The following ROBO1 variants were observed in gnomAD, a reference collection of about 807,000 sequenced individuals.
ROBO1 encodes the protein roundabout homolog 1.
In ROBO1, 149 loss-of-function variants were observed where a neutral mutation model predicts 195.9. The ratio of observed to expected loss-of-function variants is 0.76; its 90% CI spans 0.67 to 0.87. The LOEUF is 0.87. Ranked by LOEUF, ROBO1 falls within the 40% of genes least tolerant of loss-of-function variation. The pLI is 0.00. For missense variants in ROBO1, 1,933 were observed against 2,068.3 expected (o/e 0.93, Z 1.27); for synonymous variants, 816 against 733.2 (o/e 1.11, Z -1.82).
intron 4 of ROBO1, among the ~76,000 whole-genome samples, chr3:78,812,572 C>A (rs760072043): frequency 6.6e-6 from 1 of 152,052 alleles, no homozygotes; most frequent in African/African-American, 2.4e-5. Flanking sequence ...AATTCCTTAT[C>A]CCCTCTTCCT....
intron 8 of ROBO1, among the ~76,000 whole-genome samples, chr3:78,696,380 T>C (rs2081290083): frequency 6.6e-6 from 1 of 152,084 alleles, no homozygotes; most frequent in African/African-American, 2.4e-5. Flanking sequence ...AACTTATCAG[T>C]CTAAACTTCT....
chr3:79,069,235 T>C (rs1377261886), intron 3 of ROBO1, among the ~76,000 whole-genome samples: 1 of 151,906 alleles, frequency 6.6e-6, no homozygotes. Flanking sequence ...TTTATGCAAA[T>C]TGTATCTTGA....
At chr3:78,833,423 A>G (rs2032413583) in intron 4 of ROBO1, among the ~76,000 whole-genome samples, 1 of 152,218 alleles carries the variant, frequency 6.6e-6, no homozygotes, top group African/African-American at 2.4e-5. Context: ...TCTTTTTAAA[A>G]TTAATTGTAT....
At chr3:78,652,783 A>G (rs1169875322) in intron 18 of ROBO1, among the ~76,000 whole-genome samples, 1 of 152,230 alleles carries the variant, frequency 6.6e-6, no homozygotes, top group Non-Finnish European at 1.5e-5. Flanking sequence ...ATATATGGGT[A>G]ATAAAATTAA....
chr3:78,727,463 A>T (rs1378065284), intron 5 of ROBO1, among the ~76,000 whole-genome samples: 2 of 152,008 alleles, frequency 1.3e-5, no homozygotes, highest in Non-Finnish European at 2.9e-5. Flanking sequence ...TGTCTCCACT[A>T]AAAATACAAA....
chr3:79,253,089 T>C (rs2082762710), intron 2 of ROBO1, among the ~76,000 whole-genome samples: 1 of 152,216 alleles, frequency 6.6e-6, no homozygotes, highest in Non-Finnish European at 1.5e-5. Flanking sequence ...AATATACTTT[T>C]GTTTTTATCT....
intron 4 of ROBO1, among the ~76,000 whole-genome samples, chr3:78,924,170 G>A (rs943060534): frequency 3.9e-5 from 6 of 151,960 alleles, no homozygotes; most frequent in Non-Finnish European, 7.4e-5. Context: ...TAATTAGGAA[G>A]ACATTTATAC....
intron 3 of ROBO1, among the ~76,000 whole-genome samples, chr3:78,988,155 T>C (rs1369936358): frequency 1.3e-5 from 2 of 152,116 alleles, no homozygotes; most frequent in African/African-American, 4.8e-5. Context: ...AATGTCATTT[T>C]CACTTGAGTG....
intron 7 of ROBO1, 80 bp from the exon 8 acceptor site, chr3:78,714,604 A>G: frequency 1.6e-6 from 2 of 1,265,338 alleles, no homozygotes; most frequent in Non-Finnish European, 2.1e-6. Flanking sequence ...AATGCTTCAA[A>G]GCACATGCTA....
At chr3:79,409,481 C>T (rs2037681359) in intron 2 of ROBO1, among the ~76,000 whole-genome samples, 1 of 152,082 alleles carries the variant, frequency 6.6e-6, no homozygotes, top group South Asian at 2.1e-4. Flanking sequence ...TTCACAAGTT[C>T]CCCCAAAAGA....
intron 2 of ROBO1, among the ~76,000 whole-genome samples, chr3:79,328,798 C>T (rs570021484): frequency 6.6e-6 from 1 of 151,952 alleles, no homozygotes; most frequent in South Asian, 2.1e-4. Context: ...CCGTCACCCC[C>T]CTCCCATCTT....
In ROBO1 at chr3:79,489,109, C is replaced by CATAT. The variant is rs140391978; in HGVS notation, c.88+100711_88+100714dup. ...AATGGAAAATATACATATATAAGTA[C>CATAT]ATATATATATATATATAAAACATGT... On this transcript the variant is annotated intron_variant, in intron 2 of 30. Transcript: ENST00000464233. 3.9e-3 allele frequency among the ~76,000 whole-genome samples: 585 copies of CATAT among 148,142 alleles called. 5 individuals carry two copies. Among genetic ancestry groups the CATAT allele is most frequent in the African/African-American group, 0.013 (512 of 40,498 alleles).
chr3:79,580,984 T>C (rs1237045624), intron 2 of ROBO1, among the ~76,000 whole-genome samples: 7 of 152,186 alleles, frequency 4.6e-5, no homozygotes, highest in Admixed American at 3.3e-4. Context: ...GGCTTGTTTA[T>C]ATAACAAAGG....
At chr3:79,675,175 G>T (rs770370699) in intron 1 of ROBO1, among the ~76,000 whole-genome samples, 1 of 151,844 alleles carries the variant, frequency 6.6e-6, no homozygotes, top group East Asian at 1.9e-4. Flanking sequence ...TATTACAGTC[G>T]GTGTGTATGA....
At chr3:79,758,249 G>A (rs1396427441) in intron 1 of ROBO1, among the ~76,000 whole-genome samples, 3 of 152,172 alleles carry the variant, frequency 2.0e-5, no homozygotes. Context: ...ATCCAAGACA[G>A]TAGCCACCAG....
At chr3:79,514,253 T>C (rs1001611990) in intron 2 of ROBO1, among the ~76,000 whole-genome samples, 7 of 152,146 alleles carry the variant, frequency 4.6e-5, no homozygotes, top group Non-Finnish European at 2.9e-5. Context: ...TAACTTTTAT[T>C]TGGGGCCTCA....
intron 8 of ROBO1, among the ~76,000 whole-genome samples, chr3:78,689,720 C>T (rs946470302): frequency 1.3e-5 from 2 of 151,960 alleles, no homozygotes; most frequent in Non-Finnish European, 2.9e-5. Context: ...TTAATAGTTT[C>T]TACAGGACAG....
intron 3 of ROBO1, among the ~76,000 whole-genome samples, chr3:79,086,254 T>A (rs952903996): frequency 6.6e-6 from 1 of 151,610 alleles, no homozygotes; most frequent in African/African-American, 2.4e-5. Flanking sequence ...GATGGGGAGG[T>A]GACCATACCA....
chr3:79,552,670 C>T (rs1298549549), intron 2 of ROBO1, among the ~76,000 whole-genome samples: 1 of 152,072 alleles, frequency 6.6e-6, no homozygotes, highest in African/African-American at 2.4e-5. Context: ...TTTAATAGTT[C>T]AAGCTACACA....
Sources: allele counts gnomAD v4.1 joint callset (sites outside exome capture counted in the v4.1 genomes callset), GRCh38; gene constraint gnomAD v4.1.1; transcripts MANE v1.5; gene names NCBI Gene and HGNC (gene_info 2026-07-23, HGNC 2026-07-21).